ADAMTS17: variants seen among roughly 807,000 people sequenced by gnomAD.
The protein encoded by ADAMTS17 is A disintegrin and metalloproteinase with thrombospondin motifs 17.
A neutral mutation model predicts 141.5 loss-of-function variants in ADAMTS17; 113 were observed. The ratio of observed to expected loss-of-function variants is 0.80; its 90% CI spans 0.69 to 0.93. The LOEUF (loss-of-function observed/expected upper bound fraction) is 0.93. Among genes scored for constraint, ADAMTS17 ranks in the 40% least tolerant of loss-of-function variants. ADAMTS17 has a pLI of 0.00. For missense variants in ADAMTS17, 1,659 were observed against 1,517.9 expected, an observed-to-expected ratio of 1.09 and a Z score of -1.54; for synonymous variants, 768 against 630.6, an observed-to-expected ratio of 1.22 and a Z score of -3.27.
intron 7 of ADAMTS17, among the ~76,000 whole-genome samples, chr15:100,235,749 G>C (rs903738499): frequency 6.6e-6 from 1 of 152,122 alleles, no homozygotes; most frequent in African/African-American, 2.4e-5. Flanking sequence ...AAGGTGCTGG[G>C]GGCACTGAAA....
Position 100,341,421 on chromosome 15 carries a change from G to A in ADAMTS17, c.80-12C>T, listed in dbSNP as rs2141999068. ...CGCGTCGCCGACAGCTGCGGGGAGA[G>A]AGGAGACGCGTCAGCGCGGCGGGGC... On this transcript the variant is annotated splice_polypyrimidine_tract_variant and intron_variant, in intron 1 of 21. Coordinates refer to ENST00000268070, the MANE Select transcript of ADAMTS17 (RefSeq NM_139057.4). 3.0e-6 allele frequency: 3 copies of A among 1,015,308 alleles called. No individual in the cohort carries two copies. The highest frequency in any genetic ancestry group is 5.9e-5 in the Admixed American group (1 of 17,050). 62.9% of individuals were successfully genotyped at this position (1,015,308 alleles called of 1,614,324 possible).
intron 18 of ADAMTS17, among the ~76,000 whole-genome samples, chr15:100,028,668 A>G (rs1335249155): frequency 6.6e-6 from 1 of 152,220 alleles, no homozygotes; most frequent in African/African-American, 2.4e-5. Context: ...AGACAGGTTG[A>G]GTGGCCTGCT....
chr15:100,079,831 G>C (rs949272013), intron 15 of ADAMTS17, among the ~76,000 whole-genome samples: 3 of 152,154 alleles, frequency 2.0e-5, no homozygotes, highest in African/African-American at 7.2e-5. Flanking sequence ...CTCTGACCAA[G>C]GCACTCACTT....
chr15:100,104,447 T>C (rs920322265), intron 14 of ADAMTS17, among the ~76,000 whole-genome samples: 1 of 152,214 alleles, frequency 6.6e-6, no homozygotes, highest in South Asian at 2.1e-4. Flanking sequence ...GGCATTTCCA[T>C]GTTTCATGTT....
intron 8 of ADAMTS17, among the ~76,000 whole-genome samples, chr15:100,156,929 G>A (rs1372024956): frequency 6.6e-6 from 1 of 152,206 alleles, no homozygotes; most frequent in Non-Finnish European, 1.5e-5. Context: ...GCTATAAAGT[G>A]TTTCACACTT....
chr15:100,097,855 C>G (rs987008881), intron 14 of ADAMTS17, among the ~76,000 whole-genome samples: 3 of 152,222 alleles, frequency 2.0e-5, no homozygotes, highest in African/African-American at 7.2e-5. Flanking sequence ...TAGTAATCCT[C>G]AGGTCTCATC....
chr15:100,267,354 C>T (rs1023419152), intron 4 of ADAMTS17, among the ~76,000 whole-genome samples: 2 of 152,130 alleles, frequency 1.3e-5, no homozygotes, highest in Non-Finnish European at 2.9e-5. Flanking sequence ...GGACACCCCA[C>T]GTTTTGTTTA....
At chr15:100,057,523 A>T (rs1383126533) in intron 15 of ADAMTS17, among the ~76,000 whole-genome samples, 1 of 152,132 alleles carries the variant, frequency 6.6e-6, no homozygotes, top group Non-Finnish European at 1.5e-5. Context: ...GGCTGCCCTG[A>T]GCTGGGGCCC....
intron 1 of ADAMTS17, 78 bp downstream of exon 1, chr15:100,341,743 C>T: frequency 1.3e-6 from 2 of 1,494,286 alleles, no homozygotes; most frequent in South Asian, 1.3e-5. Context: ...GCCCCCGGGC[C>T]GCCAGGACGC....
intron 18 of ADAMTS17, among the ~76,000 whole-genome samples, chr15:100,008,207 G>A (rs1223408189): frequency 1.3e-5 from 2 of 152,088 alleles, no homozygotes; most frequent in Non-Finnish European, 2.9e-5. Flanking sequence ...ACTGAACTTT[G>A]GAAACCAGGC....
At chr15:100,318,253 A>G (rs189830304) in intron 3 of ADAMTS17, among the ~76,000 whole-genome samples, 1 of 151,826 alleles carries the variant, frequency 6.6e-6, no homozygotes, top group East Asian at 2.0e-4. Context: ...ACCTAGATTT[A>G]CCAGACAAAA....
At chr15:99,983,219 A>C (rs1203752571) in intron 20 of ADAMTS17, among the ~76,000 whole-genome samples, 3 of 152,226 alleles carry the variant, frequency 2.0e-5, no homozygotes, top group African/African-American at 7.2e-5. Context: ...GACCGGGCTT[A>C]CGTACGAGCT....
intron 12 of ADAMTS17, among the ~76,000 whole-genome samples, chr15:100,120,426 T>C (rs1364617199): frequency 6.6e-6 from 1 of 152,240 alleles, no homozygotes; most frequent in Non-Finnish European, 1.5e-5. Flanking sequence ...ATCTGGTTTC[T>C]GTGTTCTGAC....
chr15:100,002,006 A>AGGCCAAAACC lies in ADAMTS17; in HGVS notation c.2592-4418_2592-4417insGGTTTTGGCC, dbSNP rs1486756140. ...AAAAGGCCAAACCCAAAAAAAAAAA[A>AGGCCAAAACC]AAAAAAAAAAGAAAAAGAAATTTGA... On this transcript the variant is annotated intron_variant, in intron 18 of 21. Coordinates refer to ENST00000268070, the MANE Select transcript of ADAMTS17 (RefSeq NM_139057.4). Among the ~76,000 whole-genome samples the AGGCCAAAACC allele has an allele frequency of 6.3e-4, 94 of 150,046 alleles. 1 individual carries two copies. Among genetic ancestry groups the AGGCCAAAACC allele is most frequent in the Non-Finnish European group, 7.9e-4 (53 of 67,420 alleles).
intron 16 of ADAMTS17, 118 bp downstream of exon 16, chr15:100,053,779 T>A: frequency 1.3e-6 from 2 of 1,496,962 alleles, no homozygotes; most frequent in Admixed American, 3.3e-5. Context: ...CATAAACCCC[T>A]GGAAGCCAGA....
chr15:100,069,086 C>G (rs1389271764), intron 15 of ADAMTS17, among the ~76,000 whole-genome samples: 1 of 152,154 alleles, frequency 6.6e-6, no homozygotes, highest in Non-Finnish European at 1.5e-5. Flanking sequence ...ATGAGAACTA[C>G]GTGACGAATG....
At chr15:100,277,180 G>T (rs7497860) in intron 4 of ADAMTS17, among the ~76,000 whole-genome samples, 11,019 of 152,114 alleles carry the variant, frequency 0.072, 631 homozygotes, top group East Asian at 0.23. Context: ...GGCCTCCTCA[G>T]GAAACATCTC....
chr15:100,196,645 A>G (rs1321109577), intron 8 of ADAMTS17, among the ~76,000 whole-genome samples: 1 of 152,270 alleles, frequency 6.6e-6, no homozygotes, highest in Non-Finnish European at 1.5e-5. Flanking sequence ...CACATAAGCT[A>G]AGGAATATGG....
At chr15:100,073,159 A>G (rs2034106701) in intron 15 of ADAMTS17, among the ~76,000 whole-genome samples, 1 of 152,234 alleles carries the variant, frequency 6.6e-6, no homozygotes, top group South Asian at 2.1e-4. Flanking sequence ...GACACGTGAA[A>G]AAATGCTCAC....
Sources: allele counts gnomAD v4.1 joint callset (sites outside exome capture counted in the v4.1 genomes callset), GRCh38; gene constraint gnomAD v4.1.1; transcripts MANE v1.5; gene names NCBI Gene and HGNC (gene_info 2026-07-23, HGNC 2026-07-21).